Variants in ANKRD36B observed in about 807,000 individuals in gnomAD.
The protein encoded by ANKRD36B is ankyrin repeat domain-containing protein 36B.
Under a neutral mutation model 135.7 loss-of-function variants are expected in ANKRD36B, and 37 were observed. The ratio of observed to expected loss-of-function variants is 0.27; its 90% CI spans 0.21 to 0.36. ANKRD36B has a LOEUF of 0.36. ANKRD36B is among the 10% of genes least tolerant of loss of function. The pLI, the probability that ANKRD36B is intolerant of heterozygous loss-of-function variation, is 1.00. For missense variants in ANKRD36B, 549 were observed against 1,037.1 expected (o/e 0.53, Z 6.46); for synonymous variants, 179 against 348.1 (o/e 0.51, Z 5.41).
At chr2:97,508,829 C>T (rs2077428239) in intron 40 of ANKRD36B, among the ~76,000 whole-genome samples, 3 of 109,190 alleles carry the variant, frequency 2.7e-5, no homozygotes, top group South Asian at 4.4e-4. Flanking sequence ...TTAAACATGC[C>T]AAAGGAGAAG....
intron 6 of ANKRD36B, among the ~76,000 whole-genome samples, chr2:97,569,649 G>C (rs944058775): frequency 2.0e-5 from 3 of 151,106 alleles, no homozygotes; most frequent in Admixed American, 6.6e-5. Flanking sequence ...ATGAACGTGA[G>C]GGGGGATGGC....
chr2:97,563,185 A>C (rs1275549846), intron 6 of ANKRD36B, among the ~76,000 whole-genome samples: 1 of 151,990 alleles, frequency 6.6e-6, no homozygotes, highest in African/African-American at 2.4e-5. Context: ...TTTAACTACA[A>C]TGACAGTCTC....
At chr2:97,541,147 T>C (rs1190890817) in intron 28 of ANKRD36B, among the ~76,000 whole-genome samples, 1 of 96,656 alleles carries the variant, frequency 1.0e-5, no homozygotes, top group African/African-American at 3.1e-5. Flanking sequence ...ACCCAAGAGT[T>C]AGCTCCTTGA....
intron 20 of ANKRD36B, 79 bp downstream of exon 20, chr2:97,549,340 C>A (rs2079810896): frequency 2.1e-6 from 3 of 1,463,056 alleles, no homozygotes; most frequent in Non-Finnish European, 1.8e-6. Flanking sequence ...TTCGACGAGC[C>A]CCCCGCTGAT....
At chr2:97,550,734 T>G (rs571184847) in intron 18 of ANKRD36B, among the ~76,000 whole-genome samples, 1 of 151,898 alleles carries the variant, frequency 6.6e-6, no homozygotes, top group Non-Finnish European at 1.5e-5. Context: ...TATGAAAATG[T>G]TCCAAATGCA....
At chr2:97,567,848 C>T in intron 6 of ANKRD36B, among the ~76,000 whole-genome samples, 1 of 152,146 alleles carries the variant, frequency 6.6e-6, no homozygotes, top group East Asian at 1.9e-4. Flanking sequence ...CATCATGGTT[C>T]ACGGATCCAA....
At position 97,547,732 on chromosome 2, in the gene ANKRD36B, C is replaced by A. The variant is rs762271195; in HGVS notation, c.1478-1G>T. 8 of 1,557,138 alleles carry A rather than the reference C, an allele frequency of 5.1e-6. No homozygotes were observed. Among genetic ancestry groups the A allele is most frequent in the Admixed American group, 3.7e-5 (2 of 53,378 alleles). ...AAGCCTGGTGGTTGCTCAAAAGACACTGAAAAGTAAAAGGGATTCATAATC... is the reference window on the plus strand; with the variant it reads ...AAGCCTGGTGGTTGCTCAAAAGACAATGAAAAGTAAAAGGGATTCATAATC... On this transcript the variant is annotated splice_acceptor_variant, in intron 20 of 43. Transcript: ENST00000359901. LOFTEE classifies it high-confidence loss of function.
At chr2:97,566,740 C>T (rs1203450899) in intron 6 of ANKRD36B, among the ~76,000 whole-genome samples, 1 of 152,030 alleles carries the variant, frequency 6.6e-6, no homozygotes, top group African/African-American at 2.4e-5. Context: ...GAACAGCAGT[C>T]CCCCTTATCT....
chr2:97,564,940 T>C (rs575649001), intron 6 of ANKRD36B, among the ~76,000 whole-genome samples: 2,118 of 152,276 alleles, frequency 0.014, 12 homozygotes, highest in Non-Finnish European at 0.021. Context: ...GGGTATAGCA[T>C]TGAACCTACA....
chr2:97,547,934 T>G (rs550769834), intron 20 of ANKRD36B, among the ~76,000 whole-genome samples: 3 of 151,746 alleles, frequency 2.0e-5, no homozygotes, highest in Non-Finnish European at 4.4e-5. Flanking sequence ...AATACTCTTA[T>G]AATTTCAAAC....
chr2:97,526,249 A>C lies in ANKRD36B; in HGVS notation c.2266-2782T>G, dbSNP rs2104405757. On this transcript the variant is annotated intron_variant, in intron 35 of 43. Coordinates refer to ENST00000359901, the MANE Select transcript of ANKRD36B (RefSeq NM_001393939.1). ...CACAGCAGCATTCGCTGTTCATGAA[A>C]ATCCACTGTTCTGCAGCCACCGCTG... is the stretch of plus-strand genomic sequence containing the variant. 2.1e-5 allele frequency among the ~76,000 whole-genome samples: 2 copies of C among 97,060 alleles called. 1 individual carries two copies. Among genetic ancestry groups the C allele is most frequent in the South Asian group, 4.7e-4 (2 of 4,284 alleles). The allele number at this position is 97,060 out of a possible 152,430, so 63.7% of individuals were successfully genotyped here.
chr2:97,562,258 TATGTC>T (rs2081093433), intron 6 of ANKRD36B, among the ~76,000 whole-genome samples: 1 of 151,874 alleles, frequency 6.6e-6, no homozygotes. Flanking sequence ...TATATATACA[TATGTC>T]ATGATTGTCA....
In ANKRD36B at chr2:97,531,497, A is replaced by G. The variant is rs1466603328; in HGVS notation, c.2265+814T>C. 2.2e-5 allele frequency among the ~76,000 whole-genome samples: 2 copies of G among 92,202 alleles called. 1 individual carries two copies. Among genetic ancestry groups the G allele is most frequent in the Middle Eastern group, 0.01 (2 of 192 alleles). 60.5% of individuals were successfully genotyped at this position (92,202 alleles called of 152,430 possible). Reference sequence around the variant, plus strand: ...GGTGCAGCGTACCAGCATGGCACATATATACATATGTAACTAACCTGCACA... The same window carrying G: ...GGTGCAGCGTACCAGCATGGCACATGTATACATATGTAACTAACCTGCACA... On this transcript the variant is annotated intron_variant, in intron 35 of 43. Transcript: ENST00000359901.
chr2:97,556,393 T>A (rs2080523788), intron 12 of ANKRD36B, among the ~76,000 whole-genome samples: 1 of 151,868 alleles, frequency 6.6e-6, no homozygotes. Context: ...GCATCTGAGG[T>A]GAGTTCACTC....
rs1179874825 is a variant in ANKRD36B, at chr2:97,578,934, C to A, written c.667G>T (p.Asp223Tyr). ...CTATTCTCAGCCTCACTGGCATAAT[C>A]TTCTGCAAGCTTTCCATACACATCT... ...SRDVYGKLAE[D>Y]YASEAENRVI... Residue 223 changes from aspartate to tyrosine, a missense_variant, in exon 5 of 44, where the codon GAT becomes TAT. Physicochemically the swap from Asp to Tyr is radical, Grantham distance 160 (BLOSUM62 -3). Transcript: ENST00000359901. The A allele has an allele frequency of 6.2e-7, 1 of 1,612,990 alleles. No homozygotes were observed. Among genetic ancestry groups the A allele is most frequent in the Non-Finnish European group, 8.5e-7 (1 of 1,179,218 alleles).
intron 20 of ANKRD36B, among the ~76,000 whole-genome samples, chr2:97,549,081 CCT>C (rs1385511654): frequency 6.6e-6 from 1 of 151,860 alleles, no homozygotes. Flanking sequence ...ATCGATACTT[CCT>C]CTCTTTCTCC....
chr2:97,556,818 T>A (rs1037656709), intron 12 of ANKRD36B, 119 bp downstream of exon 12: 21 of 1,461,502 alleles, frequency 1.4e-5, no homozygotes, highest in Non-Finnish European at 1.9e-5. Context: ...AAATGCACAA[T>A]CTCAGGCCTG....
chr2:97,587,467 ACCT>A (rs1281177688), intron 1 of ANKRD36B, among the ~76,000 whole-genome samples: 4 of 152,110 alleles, frequency 2.6e-5, no homozygotes, highest in African/African-American at 9.7e-5. Flanking sequence ...ACATCTTCAC[ACCT>A]CAACATACAT....
Position 97,530,066 on chromosome 2 carries a change from T to C in ANKRD36B, c.2265+2245A>G, listed in dbSNP as rs532565468. On this transcript the variant is annotated intron_variant, in intron 35 of 43. Coordinates refer to ENST00000359901, the MANE Select transcript of ANKRD36B (RefSeq NM_001393939.1). ...TTGGAAAAAACTACTTTAAAGTTCA[T>C]ATGGAACCAAAAAAGAGCCCGCATC... 9.4e-5 allele frequency among the ~76,000 whole-genome samples: 9 copies of C among 95,950 alleles called. 3 individuals carry two copies. Among genetic ancestry groups the C allele is most frequent in the South Asian group, 7.1e-4 (3 of 4,198 alleles). 62.9% of individuals were successfully genotyped at this position (95,950 alleles called of 152,430 possible). A position where few individuals can be genotyped will look rare whatever the true frequency, so the allele number is the denominator to read the frequency against.
Sources: allele counts gnomAD v4.1 joint callset (sites outside exome capture counted in the v4.1 genomes callset), GRCh38; gene constraint gnomAD v4.1.1; transcripts MANE v1.5; gene names NCBI Gene and HGNC (gene_info 2026-07-23, HGNC 2026-07-21).